Variants in RPA3 observed in about 807,000 individuals in gnomAD.
RPA3 encodes the protein replication protein A3, also known as replication protein A 14 kDa subunit.
A neutral mutation model predicts 13.7 loss-of-function variants in RPA3; 24 were observed. That is an observed-to-expected ratio of 1.75 (90% CI 1.27 to 2.46). The LOEUF (loss-of-function observed/expected upper bound fraction) is 2.46. RPA3 is among the 30% of genes most tolerant of loss of function. The pLI is 0.00. For synonymous variants in RPA3, 59 were observed against 51.2 expected (o/e 1.15, Z -0.65); for missense variants, 183 against 151.0 (o/e 1.21, Z -1.11).
In RPA3 at chr7:7,645,103, A is replaced by G. The variant is rs116846896; in HGVS notation, c.-757-3928T>C. Among the ~76,000 whole-genome samples the G allele has an allele frequency of 9.9e-3, 1,513 of 152,220 alleles. 16 individuals carry two copies. The highest frequency in any genetic ancestry group is 0.016 in the Non-Finnish European group (1,109 of 68,008). On this transcript the variant is annotated intron_variant, in intron 4 of 7. Transcript: ENST00000223129. ...AAAGATTTTAACTGATTGTTTTGGTATATAGAAATGCCATTTTAAGAATTT... is the reference window on the plus strand; with the variant it reads ...AAAGATTTTAACTGATTGTTTTGGTGTATAGAAATGCCATTTTAAGAATTT...
chr7:7,646,939 T>C (rs1785110201), intron 4 of RPA3, among the ~76,000 whole-genome samples: 1 of 152,168 alleles, frequency 6.6e-6, no homozygotes, highest in South Asian at 2.1e-4. Context: ...CTGTTCACAT[T>C]TAGGGCTATG....
intron 4 of RPA3, among the ~76,000 whole-genome samples, chr7:7,670,914 C>T (rs1361965451): frequency 6.6e-6 from 1 of 152,206 alleles, no homozygotes; most frequent in Non-Finnish European, 1.5e-5. Flanking sequence ...TGTCCAGATT[C>T]TGCTTCCTGG....
chr7:7,647,066 A>G (rs78490215), intron 4 of RPA3, among the ~76,000 whole-genome samples: 5,647 of 152,250 alleles, frequency 0.037, 360 homozygotes, highest in African/African-American at 0.13. Context: ...TTATTCTCCA[A>G]GATTGTACAT....
chr7:7,683,231 T>C (rs1392551513), intron 4 of RPA3, among the ~76,000 whole-genome samples: 1 of 152,212 alleles, frequency 6.6e-6, no homozygotes, highest in Non-Finnish European at 1.5e-5. Flanking sequence ...TCTGTGATTC[T>C]AACCCTTCTG....
At chr7:7,648,278 C>T (rs1195953421) in intron 4 of RPA3, among the ~76,000 whole-genome samples, 1 of 152,200 alleles carries the variant, frequency 6.6e-6, no homozygotes, top group East Asian at 1.9e-4. Flanking sequence ...TGCTGTTTCT[C>T]TGCTTAAGTT....
intron 4 of RPA3, among the ~76,000 whole-genome samples, chr7:7,678,023 T>C (rs1583724631): frequency 1.3e-5 from 2 of 152,346 alleles, no homozygotes; most frequent in Non-Finnish European, 1.5e-5. Context: ...ATATGTTGGC[T>C]ATTGTGAATA....
At chr7:7,716,279 A>T (rs1563149692) in intron 1 of RPA3, among the ~76,000 whole-genome samples, 1 of 152,244 alleles carries the variant, frequency 6.6e-6, no homozygotes, top group Non-Finnish European at 1.5e-5. Context: ...GGAAGGAACA[A>T]TGCCAAGAAA....
At chr7:7,660,159 A>G (rs564122249) in intron 4 of RPA3, among the ~76,000 whole-genome samples, 3 of 152,222 alleles carry the variant, frequency 2.0e-5, no homozygotes, top group African/African-American at 7.2e-5. Flanking sequence ...CTTGGTAAAT[A>G]TTCTTTCATC....
chr7:7,663,194 G>T (rs200076500), intron 4 of RPA3, among the ~76,000 whole-genome samples: 1 of 98,690 alleles, frequency 1.0e-5, no homozygotes, highest in Admixed American at 1.1e-4. Flanking sequence ...AAAAAAAAAA[G>T]TCTGGTCTTG....
intron 2 of RPA3, 125 bp from the exon 3 acceptor site, chr7:7,687,453 C>T (rs1363043348): frequency 6.6e-6 from 1 of 152,176 alleles, no homozygotes; most frequent in Non-Finnish European, 1.5e-5. Context: ...ATTTGGGGAT[C>T]ACTAATGATG....
chr7:7,644,579 C>T (rs1785054371), intron 4 of RPA3, among the ~76,000 whole-genome samples: 1 of 152,146 alleles, frequency 6.6e-6, no homozygotes. Context: ...GATAAGTCTC[C>T]AATCTCTGTT....
intron 2 of RPA3, among the ~76,000 whole-genome samples, chr7:7,697,725 C>T (rs1328244188): frequency 6.6e-6 from 1 of 152,120 alleles, no homozygotes; most frequent in Non-Finnish European, 1.5e-5. Context: ...AATTATGGAT[C>T]ATCAGGTAGT....
chr7:7,684,766 C>G (rs1780000855), intron 4 of RPA3, among the ~76,000 whole-genome samples: 1 of 152,178 alleles, frequency 6.6e-6, no homozygotes, highest in Admixed American at 6.5e-5. Flanking sequence ...CACCCGTAAA[C>G]TTTTCAAACC....
At chr7:7,643,910 CCT>C (rs539988633) in intron 4 of RPA3, among the ~76,000 whole-genome samples, 4 of 152,132 alleles carry the variant, frequency 2.6e-5, no homozygotes, top group African/African-American at 9.6e-5. Flanking sequence ...GCTTTATGCC[CCT>C]CAGTCAAATT....
Position 7,698,270 on chromosome 7 carries a change from A to C in RPA3, c.-1027-10942T>G, listed in dbSNP as rs533461710. Among the ~76,000 whole-genome samples the C allele has an allele frequency of 1.8e-4, 27 of 152,336 alleles. 2 individuals carry two copies. In the South Asian group the frequency reaches 5.2e-3, roughly 29 times the overall value. ...AGATTTATTTCTGTGAGAAGATTGC[A>C]AAATATAACAGTTCCCATTCTTGAA... On this transcript the variant is annotated intron_variant, in intron 2 of 7. Transcript: ENST00000223129.
intron 4 of RPA3, among the ~76,000 whole-genome samples, chr7:7,666,827 C>T (rs192179410): frequency 1.8e-3 from 278 of 151,848 alleles, no homozygotes; most frequent in Non-Finnish European, 1.9e-3. Context: ...TTGTTTGAGA[C>T]GAAGTTTCAC....
chr7:7,670,109 A>G lies in RPA3; in HGVS notation c.-758+15721T>C, dbSNP rs531337464. On this transcript the variant is annotated intron_variant, in intron 4 of 7. Coordinates refer to ENST00000223129, the MANE Select transcript of RPA3 (RefSeq NM_002947.5). ...TAATTACTTGTTATAAATTCCATAC[A>G]CAATACTTGGGTTAAAAACAGGTTG... is the stretch of plus-strand genomic sequence containing the variant. Among the ~76,000 whole-genome samples the G allele has an allele frequency of 3.3e-5, 5 of 152,314 alleles. No homozygotes were observed. The East Asian group carries it at 9.6e-4, about 29-fold the overall frequency.
chr7:7,676,118 CT>C (rs990611157), intron 4 of RPA3: 28 of 398,528 alleles, frequency 7.0e-5, no homozygotes, highest in Non-Finnish European at 1.2e-4. Flanking sequence ...CTCAGAGGCT[CT>C]CCAGTGACGT....
chr7:7,663,199 G>C (rs1427927857), intron 4 of RPA3, among the ~76,000 whole-genome samples: 1 of 129,986 alleles, frequency 7.7e-6, no homozygotes, highest in Non-Finnish European at 1.6e-5. Flanking sequence ...AAAAAGTCTG[G>C]TCTTGACCTG....
Sources: gnomAD v4.1 joint callset for allele counts (sites outside exome capture counted in the v4.1 genomes callset) on GRCh38, gnomAD v4.1.1 for gene constraint, MANE v1.5 for transcripts, NCBI Gene and HGNC (gene_info 2026-07-23, HGNC 2026-07-21) for gene names.